The following CCDC186 variants were observed in gnomAD, a reference collection of about 807,000 sequenced individuals.
The protein encoded by CCDC186 is coiled-coil domain containing 186.
In CCDC186, 49 loss-of-function variants were observed where a neutral mutation model predicts 113.7. That is an observed-to-expected ratio of 0.43 (90% CI 0.34 to 0.55). The LOEUF (loss-of-function observed/expected upper bound fraction) is 0.55, where lower values mean the gene tolerates loss of function less well. Ranked by LOEUF, CCDC186 falls within the 20% of genes least tolerant of loss-of-function variation. The pLI is 0.02. For missense variants in CCDC186, 890 were observed against 1,011.1 expected (o/e 0.88, Z 1.62); for synonymous variants, 355 against 345.8 (o/e 1.03, Z -0.30).
In CCDC186 at chr10:114,137,307, C is replaced by G. The variant is rs1564908062; in HGVS notation, c.1222-17G>C. ...TTTGGTTTCCTGCATTGACAAAAGA[C>G]AGAGACACAGTTGGGTACAGCAACG... On this transcript the variant is annotated splice_polypyrimidine_tract_variant and intron_variant, in intron 6 of 15. Coordinates refer to ENST00000369287, the MANE Select transcript of CCDC186 (RefSeq NM_018017.4). 3.1e-6 allele frequency: 5 copies of G among 1,588,942 alleles called. No individual in the cohort carries two copies. In the African/African-American group the frequency reaches 4.0e-5, roughly 13 times the overall value.
intron 3 of CCDC186, 83 bp from the exon 4 acceptor site, chr10:114,151,303 AATAAAC>A (rs981962778): frequency 1.2e-5 from 12 of 1,029,312 alleles, no homozygotes; most frequent in Admixed American, 8.8e-5. Context: ...AAACAAAGTA[AATAAAC>A]ATAAAGAATA....
intron 5 of CCDC186, among the ~76,000 whole-genome samples, chr10:114,145,204 A>G (rs1341214354): frequency 6.6e-6 from 1 of 152,168 alleles, no homozygotes; most frequent in East Asian, 1.9e-4. Flanking sequence ...TATTCATTTT[A>G]CACTACTATA....
Position 114,123,519 on chromosome 10 carries a change from C to G in CCDC186, c.*1624G>C, listed in dbSNP as rs1434932593. 1 of 152,126 alleles carries G rather than the reference C, an allele frequency of 6.6e-6. No individual in the cohort carries two copies. Among genetic ancestry groups the G allele is most frequent in the Non-Finnish European group, 1.5e-5 (1 of 68,024 alleles). The allele number at this position is 152,126 out of a possible 1,614,324, so 9.4% of individuals were successfully genotyped here. ...AAACAATTCTTTACAGGCTTTTAAT[C>G]CATCATCCCAAAACTTAATTCCCTT... On this transcript the variant is annotated 3_prime_UTR_variant, in exon 16 of 16. Coordinates refer to ENST00000369287, the MANE Select transcript of CCDC186 (RefSeq NM_018017.4).
intron 15 of CCDC186, 129 bp from the exon 16 acceptor site, chr10:114,125,355 A>G: frequency 1.7e-6 from 1 of 602,720 alleles, no homozygotes; most frequent in South Asian, 2.3e-5. Context: ...ATGCTATGTC[A>G]GATAAACTAG....
At chr10:114,152,206 G>A (rs2031876828) in intron 3 of CCDC186, among the ~76,000 whole-genome samples, 1 of 152,108 alleles carries the variant, frequency 6.6e-6, no homozygotes, top group African/African-American at 2.4e-5. Context: ...GCTGGGCATG[G>A]TGGTGCATGC....
At position 114,145,756 on chromosome 10, in the gene CCDC186, GTTGGCCTTC is replaced by G. The variant is rs1305404912; in HGVS notation, c.889-4_893del. The G allele has an allele frequency of 1.3e-6, 2 of 1,573,318 alleles. No homozygotes were observed. The highest frequency in any genetic ancestry group is 4.2e-5 in the Admixed American group (2 of 47,140). On this transcript the variant is annotated splice_acceptor_variant and splice_polypyrimidine_tract_variant and coding_sequence_variant and intron_variant, in exon 5 of 16. Transcript: ENST00000369287. LOFTEE classifies it high-confidence loss of function. Reference sequence around the variant, plus strand: ...CTTGGCGTGCCTCTTCACATTTCTTGTTGGCCTTCAAAAAAAATATTACTTAGCATTAAT... The same window carrying G: ...CTTGGCGTGCCTCTTCACATTTCTTGAAAAAAAATATTACTTAGCATTAAT...
chr10:114,130,576 G>C (rs1213173928), intron 12 of CCDC186: 1 of 152,072 alleles, frequency 6.6e-6, no homozygotes, highest in Non-Finnish European at 1.5e-5. Context: ...ACTTTCTGGG[G>C]TCTGTTTCTT....
In CCDC186 at chr10:114,124,715, G is replaced by A. The variant is rs1269101334; in HGVS notation, c.*428C>T. On this transcript the variant is annotated 3_prime_UTR_variant, in exon 16 of 16. Transcript: ENST00000369287. ...ATAAACATTTTTATCATTTGTTTTA[G>A]TTGTCTTGATGTTGGAGAAATAGCG... The A allele has an allele frequency of 6.5e-6, 1 of 153,890 alleles. No individual in the cohort carries two copies. The highest frequency in any genetic ancestry group is 2.4e-5 in the African/African-American group (1 of 41,520). 9.5% of individuals were successfully genotyped at this position (153,890 alleles called of 1,614,324 possible).
intron 10 of CCDC186, among the ~76,000 whole-genome samples, chr10:114,133,129 C>T (rs1046884663): frequency 6.6e-6 from 1 of 152,080 alleles, no homozygotes; most frequent in African/African-American, 2.4e-5. Context: ...AGGATATAAG[C>T]AGAAAAAATA....
chr10:114,155,892 C>G (rs2031996069), intron 3 of CCDC186, among the ~76,000 whole-genome samples: 1 of 152,052 alleles, frequency 6.6e-6, no homozygotes. Context: ...TGCTCAATAG[C>G]TATATGCAGC....
chr10:114,125,144 T>C lies in CCDC186; in HGVS notation c.2696A>G (p.Ter899=), dbSNP rs1256584727. ...TCTTTACTGAGCAAGAGGCTTGTTT[T>C]AGGTTTTCTTTGTCCTCTGTTCTAG... The part of the protein sequence containing the change: ...HELEQRTKKT[*] Residue 899 remains the stop codon, a stop_retained_variant, in exon 16 of 16, where the codon TAA becomes TGA. Coordinates refer to ENST00000369287, the MANE Select transcript of CCDC186 (RefSeq NM_018017.4). 2 of 1,602,322 alleles carry C rather than the reference T, an allele frequency of 1.2e-6. No individual in the cohort carries two copies. The highest frequency in any genetic ancestry group is 1.3e-5 in the African/African-American group (1 of 74,114).
chr10:114,133,786 T>C (rs765125998), intron 10 of CCDC186, among the ~76,000 whole-genome samples: 1 of 152,006 alleles, frequency 6.6e-6, no homozygotes, highest in Non-Finnish European at 1.5e-5. Flanking sequence ...AAAGCTAGAA[T>C]GAAGTGGAGA....
At chr10:114,154,130 G>C (rs1263308383) in intron 3 of CCDC186, among the ~76,000 whole-genome samples, 1 of 150,566 alleles carries the variant, frequency 6.6e-6, no homozygotes, top group African/African-American at 2.4e-5. Flanking sequence ...AGGATCACTT[G>C]AGCCTCATAG....
intron 14 of CCDC186, among the ~76,000 whole-genome samples, chr10:114,126,911 AT>A (rs1205743860): frequency 6.6e-6 from 1 of 152,178 alleles, no homozygotes; most frequent in Non-Finnish European, 1.5e-5. Context: ...CTGGGTTTGG[AT>A]CTCCAGCTCT....
intron 4 of CCDC186, 37 bp downstream of exon 4, chr10:114,151,055 A>G: frequency 6.2e-7 from 1 of 1,604,626 alleles, no homozygotes; most frequent in Non-Finnish European, 8.5e-7. Flanking sequence ...GAGTCACCAG[A>G]ATATCAAGTT....
At chr10:114,157,178 A>ATTTT (rs34377537) in intron 3 of CCDC186, among the ~76,000 whole-genome samples, 30 of 121,180 alleles carry the variant, frequency 2.5e-4, no homozygotes, top group Admixed American at 4.4e-4. Context: ...AGTTTTCAGA[A>ATTTT]TTTTTTTTTT....
chr10:114,149,830 AAGGCAGGAAGGCAGGC>A (rs2031789029), intron 4 of CCDC186, among the ~76,000 whole-genome samples: 1 of 109,858 alleles, frequency 9.1e-6, no homozygotes, highest in South Asian at 2.5e-4. Context: ...GGAAGGCAGG[AAGGCAGGAAGGCAGGC>A]AGGCAGGCAG....
chr10:114,151,031 AT>A, intron 4 of CCDC186, 60 bp downstream of exon 4: 1 of 1,581,410 alleles, frequency 6.3e-7, no homozygotes, highest in Non-Finnish European at 8.6e-7. Context: ...GTGTTAGCTT[AT>A]TTTAACAAAC....
At chr10:114,135,081 C>T in intron 9 of CCDC186, 26 bp from the exon 10 acceptor site, 6 of 1,586,750 alleles carry the variant, frequency 3.8e-6, no homozygotes, top group Non-Finnish European at 5.1e-6. Flanking sequence ...AACCAAGTTA[C>T]AAACCATGTA....
Sources: allele counts gnomAD v4.1 joint callset (sites outside exome capture counted in the v4.1 genomes callset), GRCh38; gene constraint gnomAD v4.1.1; transcripts MANE v1.5; gene names NCBI Gene and HGNC (gene_info 2026-07-23, HGNC 2026-07-21).